PRKG1: variants seen among roughly 807,000 people sequenced by gnomAD.
PRKG1 encodes the protein protein kinase cGMP-dependent 1.
A neutral mutation model predicts 88.1 loss-of-function variants in PRKG1; 35 were observed. The observed-to-expected ratio is 0.40, with a 90% CI of 0.30 to 0.53. The LOEUF is 0.53. PRKG1 is among the 20% of genes least tolerant of loss of function. The pLI is 0.59. For missense variants in PRKG1, 540 were observed against 839.8 expected (o/e 0.64, Z 4.41); for synonymous variants, 303 against 292.5 (o/e 1.04, Z -0.37).
intron 1 of PRKG1, among the ~76,000 whole-genome samples, chr10:51,005,385 A>C (rs908420650): frequency 6.6e-6 from 1 of 152,208 alleles, no homozygotes; most frequent in African/African-American, 2.4e-5. Context: ...AGGATTTTAG[A>C]AGATATCTTT....
chr10:52,223,295 G>C (rs1312096967), intron 9 of PRKG1, among the ~76,000 whole-genome samples: 1 of 151,876 alleles, frequency 6.6e-6, no homozygotes, highest in Non-Finnish European at 1.5e-5. Flanking sequence ...AGTGACCTCC[G>C]ACTTCTGAAA....
chr10:52,103,410 TC>T (rs1847341580), intron 7 of PRKG1, among the ~76,000 whole-genome samples: 1 of 151,932 alleles, frequency 6.6e-6, no homozygotes, highest in Non-Finnish European at 1.5e-5. Flanking sequence ...CTCTCCTTCC[TC>T]CCCCTCAGCC....
upstream of PRKG1, among the ~76,000 whole-genome samples, chr10:51,070,342 G>C (rs1564588012): frequency 6.6e-6 from 1 of 152,092 alleles, no homozygotes; most frequent in African/African-American, 2.4e-5. Flanking sequence ...ATTATGATTA[G>C]CAACTTAGAA....
chr10:51,601,451 G>C (rs1007513132), intron 3 of PRKG1, among the ~76,000 whole-genome samples: 2 of 152,158 alleles, frequency 1.3e-5, no homozygotes, highest in Non-Finnish European at 2.9e-5. Flanking sequence ...GTGAAGAATT[G>C]CGTCTGTAAA....
At chr10:51,246,528 T>G (rs1839295142) in intron 2 of PRKG1, among the ~76,000 whole-genome samples, 1 of 149,844 alleles carries the variant, frequency 6.7e-6, no homozygotes, top group Non-Finnish European at 1.5e-5. Flanking sequence ...ACTGACAGTA[T>G]GGCCAGGTAA....
chr10:51,244,615 T>C (rs575860811), intron 2 of PRKG1, among the ~76,000 whole-genome samples: 1 of 152,266 alleles, frequency 6.6e-6, no homozygotes, highest in Non-Finnish European at 1.5e-5. Flanking sequence ...CAGTAAGGTT[T>C]TTGTTTTCTT....
chr10:51,890,119 A>C (rs1475618056), intron 4 of PRKG1, among the ~76,000 whole-genome samples: 1 of 152,220 alleles, frequency 6.6e-6, no homozygotes. Context: ...TGTATTAGAC[A>C]TGAAGTCCTT....
chr10:52,163,123 AATGGCC>A (rs923639064), intron 9 of PRKG1, among the ~76,000 whole-genome samples: 1 of 93,866 alleles, frequency 1.1e-5, no homozygotes, highest in African/African-American at 3.6e-5. Flanking sequence ...AAAGTTGTAC[AATGGCC>A]TTTCTTATGG....
At chr10:52,145,709 A>G (rs1309026440) in intron 8 of PRKG1, among the ~76,000 whole-genome samples, 1 of 152,200 alleles carries the variant, frequency 6.6e-6, no homozygotes, top group Non-Finnish European at 1.5e-5. Context: ...TGCTTACTTT[A>G]GTATTCACAC....
intron 2 of PRKG1, among the ~76,000 whole-genome samples, chr10:51,458,035 G>C (rs1224010039): frequency 2.0e-5 from 3 of 151,938 alleles, no homozygotes; most frequent in Non-Finnish European, 2.9e-5. Context: ...TTTTTTGCAG[G>C]GTATGTGGTT....
chr10:51,393,441 T>C (rs1375128359), intron 2 of PRKG1, among the ~76,000 whole-genome samples: 1 of 152,122 alleles, frequency 6.6e-6, no homozygotes, highest in Admixed American at 6.5e-5. Context: ...GAGACGCTCC[T>C]CACTTCCCAG....
intron 3 of PRKG1, among the ~76,000 whole-genome samples, chr10:51,534,464 C>G (rs1029942555): frequency 6.6e-6 from 1 of 151,806 alleles, no homozygotes; most frequent in Non-Finnish European, 1.5e-5. Context: ...GTCAGGAGAT[C>G]GAGACCATCC....
intron 2 of PRKG1, among the ~76,000 whole-genome samples, chr10:51,272,361 T>C (rs866093419): frequency 2.3e-5 from 3 of 129,624 alleles, no homozygotes; most frequent in African/African-American, 8.3e-5. Flanking sequence ...TATCGTGGGG[T>C]GGGGGGCTAG....
At chr10:51,084,135 G>A (rs181333104) in intron 1 of PRKG1, among the ~76,000 whole-genome samples, 250 of 152,296 alleles carry the variant, frequency 1.6e-3, no homozygotes, top group African/African-American at 5.9e-3. Context: ...GAGGATTGGG[G>A]ACATTAATTA....
chr10:51,534,216 A>G (rs1483359733), intron 3 of PRKG1, among the ~76,000 whole-genome samples: 1 of 152,194 alleles, frequency 6.6e-6, no homozygotes, highest in African/African-American at 2.4e-5. Context: ...GTATTTGTTC[A>G]TTAATGTATA....
At chr10:51,678,771 T>A (rs964654102) in intron 3 of PRKG1, among the ~76,000 whole-genome samples, 1 of 152,230 alleles carries the variant, frequency 6.6e-6, no homozygotes, top group South Asian at 2.1e-4. Context: ...ACATGATCCC[T>A]GGAGCTCAAG....
chr10:51,380,317 T>C (rs1009066432), intron 2 of PRKG1, among the ~76,000 whole-genome samples: 5 of 152,188 alleles, frequency 3.3e-5, no homozygotes, highest in African/African-American at 9.6e-5. Context: ...ATTTACACCA[T>C]GGAAATTGGC....
chr10:51,502,384 T>C lies in PRKG1; in HGVS notation c.592+34548T>C, dbSNP rs148987711. On this transcript the variant is annotated intron_variant, in intron 3 of 17. Transcript: ENST00000373980. ...AAGTGCCAGCTCTGAGGAGCACAAA[T>C]TGCTATCTGAACACATCTAGGTTAT... 2.8e-3 allele frequency among the ~76,000 whole-genome samples: 434 copies of C among 152,298 alleles called. 1 individual carries two copies. The highest frequency in any genetic ancestry group is 0.014 in the Middle Eastern group (4 of 294).
chr10:51,956,957 C>T (rs1843317999), intron 5 of PRKG1, among the ~76,000 whole-genome samples: 3 of 150,548 alleles, frequency 2.0e-5, no homozygotes. Flanking sequence ...TTCTTTCCTT[C>T]CTTCCTTCCT....
Sources: gnomAD v4.1 joint callset for allele counts (sites outside exome capture counted in the v4.1 genomes callset) on GRCh38, gnomAD v4.1.1 for gene constraint, MANE v1.5 for transcripts, NCBI Gene and HGNC (gene_info 2026-07-23, HGNC 2026-07-21) for gene names.